Variants in MPHOSPH6 observed in about 807,000 individuals in gnomAD.
The protein encoded by MPHOSPH6 is M-phase phosphoprotein 6.
In MPHOSPH6, 25 loss-of-function variants were observed where a neutral mutation model predicts 21.8. The ratio of observed to expected loss-of-function variants is 1.15; its 90% CI spans 0.83 to 1.60. The LOEUF (loss-of-function observed/expected upper bound fraction) is 1.60. Ranked by LOEUF, MPHOSPH6 falls within the 40% of genes most tolerant of loss-of-function variation. MPHOSPH6 has a pLI of 0.00. For synonymous variants in MPHOSPH6, 84 were observed against 56.5 expected, an observed-to-expected ratio of 1.49 and a Z score of -2.18; for missense variants, 269 against 181.8, an observed-to-expected ratio of 1.48 and a Z score of -2.76.
intron 2 of MPHOSPH6, among the ~76,000 whole-genome samples, chr16:82,156,407 T>A (rs1355585004): frequency 6.6e-6 from 1 of 152,014 alleles, no homozygotes; most frequent in Admixed American, 6.6e-5. Context: ...AAATATGTGA[T>A]ATAAAATATT....
At chr16:82,160,886 T>A (rs1403691353) in intron 2 of MPHOSPH6, among the ~76,000 whole-genome samples, 1 of 152,168 alleles carries the variant, frequency 6.6e-6, no homozygotes, top group Non-Finnish European at 1.5e-5. Context: ...TAGGATTTTC[T>A]GACTGTCCCC....
intron 1 of MPHOSPH6, among the ~76,000 whole-genome samples, chr16:82,169,792 T>C (rs1387630579): frequency 1.3e-5 from 2 of 152,178 alleles, no homozygotes; most frequent in Non-Finnish European, 2.9e-5. Context: ...TTATTGCATA[T>C]ATAAGTAAGC....
chr16:82,168,409 A>C (rs1906858673), intron 1 of MPHOSPH6, among the ~76,000 whole-genome samples: 1 of 151,224 alleles, frequency 6.6e-6, no homozygotes, highest in Non-Finnish European at 1.5e-5. Flanking sequence ...TCACCCATTC[A>C]TCCCTAACTC....
intron 2 of MPHOSPH6, among the ~76,000 whole-genome samples, chr16:82,158,891 T>C (rs536867353): frequency 9.2e-5 from 14 of 152,236 alleles, no homozygotes; most frequent in Non-Finnish European, 1.8e-4. Context: ...GGAAAATCTA[T>C]ACAACTCATT....
intron 2 of MPHOSPH6, among the ~76,000 whole-genome samples, chr16:82,155,229 T>C (rs372698866): frequency 5.9e-5 from 9 of 152,332 alleles, no homozygotes; most frequent in East Asian, 3.9e-4. Flanking sequence ...CAGCACTTCA[T>C]GTGTAATAGA....
At chr16:82,170,057 G>C (rs891514491) in intron 1 of MPHOSPH6, 68 bp downstream of exon 1, 167 of 1,520,236 alleles carry the variant, frequency 1.1e-4, no homozygotes, top group Non-Finnish European at 1.4e-4. Context: ...CCGCCGCCTC[G>C]GCCCCGGCCA....
chr16:82,156,178 A>C (rs1906422875), intron 2 of MPHOSPH6, among the ~76,000 whole-genome samples: 1 of 152,204 alleles, frequency 6.6e-6, no homozygotes, highest in Non-Finnish European at 1.5e-5. Flanking sequence ...GCTAGAAGAA[A>C]ATATTCACTA....
At position 82,148,715 on chromosome 16, in the gene MPHOSPH6, G is replaced by C; in HGVS notation, c.*16C>G. 6.2e-7 allele frequency: 1 copy of C among 1,613,392 alleles called. No homozygotes were observed. The highest frequency in any genetic ancestry group is 2.2e-5 in the East Asian group (1 of 44,878). ...TTCCACCAAGCACCCCTGGGCCATC[G>C]CTTAAGGCATCCATCTTAATCCTGG... On this transcript the variant is annotated 3_prime_UTR_variant, in exon 5 of 5. Transcript: ENST00000258169.
chr16:82,168,834 G>C (rs560654092), intron 1 of MPHOSPH6, among the ~76,000 whole-genome samples: 1 of 152,200 alleles, frequency 6.6e-6, no homozygotes, highest in Admixed American at 6.5e-5. Context: ...CTTTAAACAT[G>C]ACATGTAACA....
intron 2 of MPHOSPH6, 25 bp from the exon 3 acceptor site, chr16:82,151,539 T>A: frequency 6.4e-7 from 1 of 1,561,520 alleles, no homozygotes; most frequent in East Asian, 2.3e-5. Flanking sequence ...AAAAATAGCA[T>A]TTCTCCATAT....
chr16:82,159,017 A>C (rs1906523133), intron 2 of MPHOSPH6, among the ~76,000 whole-genome samples: 1 of 152,228 alleles, frequency 6.6e-6, no homozygotes, highest in Non-Finnish European at 1.5e-5. Flanking sequence ...TCCACGTTGC[A>C]ATTTACTCTG....
At chr16:82,148,963 C>T (rs16956524) in intron 4 of MPHOSPH6, 100 bp from the exon 5 acceptor site, 20 of 1,407,082 alleles carry the variant, frequency 1.4e-5, no homozygotes, top group East Asian at 6.9e-5. Flanking sequence ...AAAAAGATTA[C>T]GAAAAAGAAA....
intron 4 of MPHOSPH6, among the ~76,000 whole-genome samples, chr16:82,149,073 T>C (rs979717080): frequency 2.0e-5 from 3 of 152,228 alleles, no homozygotes; most frequent in African/African-American, 4.8e-5. Flanking sequence ...CCTAAATAAA[T>C]AGAGATGTAC....
intron 1 of MPHOSPH6, among the ~76,000 whole-genome samples, chr16:82,165,478 T>C (rs192642192): frequency 5.2e-4 from 79 of 152,214 alleles, no homozygotes; most frequent in African/African-American, 1.9e-3. Context: ...TAAGCCTTTT[T>C]AGGCATAAGC....
chr16:82,164,513 GA>G (rs1443298764), intron 1 of MPHOSPH6: 1 of 237,280 alleles, frequency 4.2e-6, no homozygotes, highest in Non-Finnish European at 8.1e-6. Flanking sequence ...ATCTGGGGTT[GA>G]AATGCCCTTC....
At position 82,159,721 on chromosome 16, in the gene MPHOSPH6, AT is replaced by A. The variant is rs552574099; in HGVS notation, c.164+4360del. The stretch of plus-strand genomic sequence containing the variant: ...GTGCCCGGCCTAGGAGTTCTAAATA[AT>A]TTTTATAAATGCAAATAGCTTCTGA... On this transcript the variant is annotated intron_variant, in intron 2 of 4. Transcript: ENST00000258169. Among the ~76,000 whole-genome samples, 20 of 152,212 alleles carry A rather than the reference AT, an allele frequency of 1.3e-4. No individual in the cohort carries two copies. In the East Asian group the frequency reaches 3.9e-3, roughly 29 times the overall value.
In MPHOSPH6 at chr16:82,151,429, C is replaced by A. The variant is rs1457073069; in HGVS notation, c.250G>T (p.Val84Phe). ...GAAGCAATTATATTTAATACCTCAA[C>A]CTCAGGATTAAATCCTCTGAATGAC... ...RMSFRGFNPE[V>F]EKLMLQMNAK... Residue 84 changes from valine to phenylalanine, a missense_variant, in exon 3 of 5, where the codon GTT (valine) becomes TTT (phenylalanine). Val to Phe is a conservative substitution (Grantham distance 50). Coordinates refer to ENST00000258169, the MANE Select transcript of MPHOSPH6 (RefSeq NM_005792.2). 12 of 1,605,574 alleles carry A rather than the reference C, an allele frequency of 7.5e-6. No individual in the cohort carries two copies. The highest frequency in any genetic ancestry group is 1.7e-4 in the Middle Eastern group (1 of 6,014).
chr16:82,168,261 T>C (rs1906851033), intron 1 of MPHOSPH6, among the ~76,000 whole-genome samples: 1 of 152,094 alleles, frequency 6.6e-6, no homozygotes, highest in East Asian at 1.9e-4. Context: ...CTTGGCCAAT[T>C]CACTCCACTT....
intron 1 of MPHOSPH6, among the ~76,000 whole-genome samples, chr16:82,166,569 C>T (rs921307991): frequency 4.6e-5 from 7 of 152,274 alleles, no homozygotes; most frequent in South Asian, 2.1e-4. Context: ...CCCAGGACTA[C>T]GATTCTGAAT....
Sources: allele counts gnomAD v4.1 joint callset (sites outside exome capture counted in the v4.1 genomes callset), GRCh38; gene constraint gnomAD v4.1.1; transcripts MANE v1.5; gene names NCBI Gene and HGNC (gene_info 2026-07-23, HGNC 2026-07-21).